The following MALRD1 variants were observed in gnomAD, a reference collection of about 807,000 sequenced individuals.
MALRD1 encodes the protein MAM and LDL receptor class A domain containing 1.
Under a neutral mutation model 242.1 loss-of-function variants are expected in MALRD1, and 247 were observed. The observed-to-expected ratio is 1.02, with a 90% CI of 0.92 to 1.13. The LOEUF is 1.13. Among genes scored for constraint, MALRD1 ranks in the 50% most tolerant of loss-of-function variants. The pLI is 0.00. For synonymous variants in MALRD1, 995 were observed against 866.6 expected (o/e 1.15, Z -2.60); for missense variants, 2,989 against 2,533.1 (o/e 1.18, Z -3.86).
intron 18 of MALRD1, among the ~76,000 whole-genome samples, chr10:19,231,882 T>C (rs374396273): frequency 1.1e-4 from 16 of 152,216 alleles, no homozygotes; most frequent in East Asian, 9.7e-4. Flanking sequence ...ACTTGACTCA[T>C]ATAGACTTAA....
intron 26 of MALRD1, among the ~76,000 whole-genome samples, chr10:19,382,422 C>T (rs1291666956): frequency 2.6e-5 from 4 of 151,878 alleles, no homozygotes; most frequent in Admixed American, 6.6e-5. Context: ...GTAAAAGGAA[C>T]GTTGGCATAA....
At chr10:19,427,032 G>T (rs1393282675) in intron 28 of MALRD1, among the ~76,000 whole-genome samples, 1 of 152,148 alleles carries the variant, frequency 6.6e-6, no homozygotes, top group Non-Finnish European at 1.5e-5. Flanking sequence ...CTAAGTCAGT[G>T]CACTACAATT....
intron 21 of MALRD1, among the ~76,000 whole-genome samples, chr10:19,306,125 A>ATATATATACTATATAG (rs1564546915): frequency 7.6e-4 from 63 of 82,518 alleles, no homozygotes; most frequent in African/African-American, 2.9e-3. Context: ...ACTATCTAGT[A>ATATATATACTATATAG]TATATAGTAT....
rs370423773 is a variant in MALRD1 at position 19,107,661 on chromosome 10, C to G, written c.694+3586C>G. On this transcript the variant is annotated intron_variant, in intron 5 of 39. Transcript: ENST00000454679. ...ATTATTAACAGATAAGGCCCTACTCCTTTCATTTTAGTCGTTATTTTCTGG... is the reference window on the plus strand; with the variant it reads ...ATTATTAACAGATAAGGCCCTACTCGTTTCATTTTAGTCGTTATTTTCTGG... Among the ~76,000 whole-genome samples, 24 of 151,188 alleles carry G rather than the reference C, an allele frequency of 1.6e-4. No individual in the cohort carries two copies. The South Asian group carries it at 2.3e-3, about 14-fold the overall frequency.
chr10:19,174,117 A>C (rs1835122347), intron 13 of MALRD1, among the ~76,000 whole-genome samples: 1 of 152,222 alleles, frequency 6.6e-6, no homozygotes, highest in African/African-American at 2.4e-5. Flanking sequence ...GACAGAAAGA[A>C]TATGATCTCA....
At chr10:19,352,864 A>G (rs1388223285) in intron 26 of MALRD1, among the ~76,000 whole-genome samples, 2 of 152,164 alleles carry the variant, frequency 1.3e-5, no homozygotes, top group African/African-American at 2.4e-5. Context: ...TACAGATACA[A>G]TGTTGTAAGT....
At chr10:19,288,348 CGAT>C (rs1358552086) in intron 21 of MALRD1, among the ~76,000 whole-genome samples, 1 of 151,992 alleles carries the variant, frequency 6.6e-6, no homozygotes, top group Admixed American at 6.6e-5. Flanking sequence ...CCATTATTAT[CGAT>C]GATAACAACC....
chr10:19,162,297 C>T (rs1459077452), intron 12 of MALRD1, among the ~76,000 whole-genome samples: 1 of 152,056 alleles, frequency 6.6e-6, no homozygotes, highest in Non-Finnish European at 1.5e-5. Context: ...TTTCCTCTCT[C>T]TCTCTCTCTG....
intron 21 of MALRD1, among the ~76,000 whole-genome samples, chr10:19,294,026 G>C (rs1293574808): frequency 6.6e-6 from 1 of 152,070 alleles, no homozygotes; most frequent in Non-Finnish European, 1.5e-5. Flanking sequence ...TAGCATACTT[G>C]CTGTACAAGG....
intron 38 of MALRD1, chr10:19,716,724 C>T (rs1306445476): frequency 6.6e-6 from 1 of 152,128 alleles, no homozygotes; most frequent in Non-Finnish European, 1.5e-5. Flanking sequence ...GAATCTGAAA[C>T]CACATCCATA....
rs898080998 is a variant in MALRD1, at chr10:19,594,422, G to A, written c.5681-772G>A. On this transcript the variant is annotated intron_variant, in intron 33 of 39. Coordinates refer to ENST00000454679, the MANE Select transcript of MALRD1 (RefSeq NM_001142308.3). Reference sequence around the variant, plus strand: ...ATTAGTACAATCACTATGGAAAATAGTATGGAGATGCCTTAAAGAACTAAA... The same window carrying A: ...ATTAGTACAATCACTATGGAAAATAATATGGAGATGCCTTAAAGAACTAAA... Among the ~76,000 whole-genome samples the A allele has an allele frequency of 2.0e-5, 3 of 152,154 alleles. No individual in the cohort carries two copies. The South Asian group carries it at 6.2e-4, about 32-fold the overall frequency.
intron 32 of MALRD1, among the ~76,000 whole-genome samples, chr10:19,563,644 T>C (rs1836109940): frequency 6.6e-6 from 1 of 152,160 alleles, no homozygotes; most frequent in Non-Finnish European, 1.5e-5. Flanking sequence ...GTGACCTGCC[T>C]TCAACATTGC....
chr10:19,627,169 A>G (rs1290387740), intron 36 of MALRD1, among the ~76,000 whole-genome samples: 1 of 152,200 alleles, frequency 6.6e-6, no homozygotes, highest in African/African-American at 2.4e-5. Flanking sequence ...AATGTAAATT[A>G]TTATTGACAT....
chr10:19,176,644 G>T (rs1051264630), intron 14 of MALRD1, among the ~76,000 whole-genome samples: 2 of 151,826 alleles, frequency 1.3e-5, no homozygotes, highest in Admixed American at 1.3e-4. Flanking sequence ...AAAGTGCTGG[G>T]ATTACAGGCG....
intron 23 of MALRD1, 65 bp downstream of exon 23, chr10:19,327,738 C>A: frequency 3.2e-6 from 4 of 1,264,842 alleles, no homozygotes; most frequent in Non-Finnish European, 4.5e-6. Context: ...TCATTTATTT[C>A]CTTCTCTACT....
chr10:19,276,499 C>T (rs1417343403), intron 19 of MALRD1, among the ~76,000 whole-genome samples: 1 of 151,944 alleles, frequency 6.6e-6, no homozygotes, highest in Non-Finnish European at 1.5e-5. Context: ...GTTTTGCAGT[C>T]CTCAGCAAAT....
intron 38 of MALRD1, among the ~76,000 whole-genome samples, chr10:19,719,231 T>TACAC (rs1564567434): frequency 6.4e-5 from 2 of 31,406 alleles, no homozygotes; most frequent in African/African-American, 2.7e-4. Flanking sequence ...TACATATATA[T>TACAC]ATATATATAT....
chr10:19,119,107 A>C lies in MALRD1; in HGVS notation c.695-4385A>C, dbSNP rs142135750. ...TCTGGATGTGTTTTATTGATAATGC[A>C]GAAATTTGCTGATGGATTGCATGTT... is the stretch of plus-strand genomic sequence containing the variant. On this transcript the variant is annotated intron_variant, in intron 5 of 39. Transcript: ENST00000454679. 4.5e-4 allele frequency among the ~76,000 whole-genome samples: 68 copies of C among 152,304 alleles called. No individual in the cohort carries two copies. In the East Asian group the frequency reaches 0.012, roughly 27 times the overall value.
At position 19,491,554 on chromosome 10, in the gene MALRD1, T is replaced by A. The variant is rs1250798641; in HGVS notation, c.5067T>A (p.Asp1689Glu). Reference protein sequence around the residue: ...EISELCPEITDFLCRDKKCIA... With the variant: ...EISELCPEITEFLCRDKKCIA... ...CTGAGCTTTGTCCGGAAATCACTGA[T>A]TTTTTGTGCCGGGACAAGAAGTGCA... Residue 1689 changes from aspartate to glutamate, a missense_variant, in exon 30 of 40, where the codon GAT (aspartate) becomes GAA (glutamate). By Grantham distance (45) the Asp-to-Glu change is conservative. Coordinates refer to ENST00000454679, the MANE Select transcript of MALRD1 (RefSeq NM_001142308.3). 2 of 1,550,190 alleles carry A rather than the reference T, an allele frequency of 1.3e-6. No homozygotes were observed. Among genetic ancestry groups the A allele is most frequent in the Non-Finnish European group, 1.7e-6 (2 of 1,146,844 alleles).
Sources: gnomAD v4.1 joint callset for allele counts (sites outside exome capture counted in the v4.1 genomes callset) on GRCh38, gnomAD v4.1.1 for gene constraint, MANE v1.5 for transcripts, NCBI Gene and HGNC (gene_info 2026-07-23, HGNC 2026-07-21) for gene names.